The following SGCZ variants were observed in gnomAD, a reference collection of about 807,000 sequenced individuals.
SGCZ encodes sarcoglycan zeta, also known as zeta-sarcoglycan.
Under a neutral mutation model 41.3 loss-of-function variants are expected in SGCZ, and 40 were observed. That is an observed-to-expected ratio of 0.97 (90% CI 0.75 to 1.26). The LOEUF (loss-of-function observed/expected upper bound fraction) is 1.26. Among genes scored for constraint, SGCZ ranks in the 50% most tolerant of loss-of-function variants. SGCZ has a pLI of 0.00. For missense variants in SGCZ, 552 were observed against 369.8 expected, an observed-to-expected ratio of 1.49 and a Z score of -4.04; for synonymous variants, 206 against 137.5, an observed-to-expected ratio of 1.50 and a Z score of -3.49.
intron 1 of SGCZ, among the ~76,000 whole-genome samples, chr8:14,635,820 A>T (rs1806808502): frequency 6.6e-6 from 1 of 151,866 alleles, no homozygotes; most frequent in South Asian, 2.1e-4. Flanking sequence ...ACTGTAATTG[A>T]TGCTGGAGAT....
chr8:15,153,562 C>T (rs1799241347), intron 1 of SGCZ, among the ~76,000 whole-genome samples: 1 of 152,018 alleles, frequency 6.6e-6, no homozygotes, highest in African/African-American at 2.4e-5. Context: ...TATTTTGATC[C>T]CGGGGGTAGA....
chr8:15,074,358 T>G (rs566089585), intron 1 of SGCZ, among the ~76,000 whole-genome samples: 3 of 152,312 alleles, frequency 2.0e-5, no homozygotes, highest in East Asian at 3.9e-4. Context: ...GCTGGCAGTA[T>G]GAGCTTTGAA....
intron 1 of SGCZ, among the ~76,000 whole-genome samples, chr8:14,793,495 G>T (rs2130476395): frequency 6.6e-6 from 1 of 152,288 alleles, no homozygotes; most frequent in African/African-American, 2.4e-5. Flanking sequence ...AATGAGAGGA[G>T]ACATAGCAAT....
intron 7 of SGCZ, among the ~76,000 whole-genome samples, chr8:14,099,085 T>C (rs965884927): frequency 6.6e-6 from 1 of 152,168 alleles, no homozygotes; most frequent in Non-Finnish European, 1.5e-5. Flanking sequence ...GAAAATGATA[T>C]TGGCTTGAGA....
chr8:14,263,179 G>A lies in SGCZ; in HGVS notation c.337-25500C>T, dbSNP rs114056357. ...ATTCAAAACTATTTTTCAACAAATC[G>A]TAAGTGTAAATAAAAGTATAGTAGT... On this transcript the variant is annotated intron_variant, in intron 3 of 7. Coordinates refer to ENST00000382080, the MANE Select transcript of SGCZ (RefSeq NM_139167.4). 3.3e-3 allele frequency among the ~76,000 whole-genome samples: 500 copies of A among 152,120 alleles called. 3 individuals carry two copies. The highest frequency in any genetic ancestry group is 0.011 in the African/African-American group (455 of 41,532).
At chr8:14,120,305 T>C (rs1450887345) in intron 5 of SGCZ, among the ~76,000 whole-genome samples, 1 of 152,118 alleles carries the variant, frequency 6.6e-6, no homozygotes, top group Non-Finnish European at 1.5e-5. Context: ...ATTCAAAAAG[T>C]TCATCATGAT....
At position 14,883,401 on chromosome 8, in the gene SGCZ, G is replaced by T. The variant is rs186229997; in HGVS notation, c.40-328475C>A. Among the ~76,000 whole-genome samples, 628 of 151,958 alleles carry T rather than the reference G, an allele frequency of 4.1e-3. 4 individuals carry two copies. The highest frequency in any genetic ancestry group is 0.014 in the African/African-American group (598 of 41,440). On this transcript the variant is annotated intron_variant, in intron 1 of 7. Coordinates refer to ENST00000382080, the MANE Select transcript of SGCZ (RefSeq NM_139167.4). ...ACTCTATGCTCACATATCTACTTGT[G>T]CTTTAGCCATATTCAATATTATACA...
chr8:14,587,991 C>A (rs1206741904), intron 1 of SGCZ, among the ~76,000 whole-genome samples: 1 of 152,072 alleles, frequency 6.6e-6, no homozygotes. Context: ...TCAGTGGCAT[C>A]TTTACAAAAA....
intron 1 of SGCZ, among the ~76,000 whole-genome samples, chr8:15,043,049 C>G (rs923656064): frequency 4.6e-5 from 7 of 152,254 alleles, no homozygotes; most frequent in African/African-American, 1.4e-4. Flanking sequence ...ACCCATGGAG[C>G]ACCACTGTCA....
At chr8:15,236,949 G>C (rs1357409387) in intron 1 of SGCZ, among the ~76,000 whole-genome samples, 4 of 152,208 alleles carry the variant, frequency 2.6e-5, no homozygotes, top group African/African-American at 4.8e-5. Flanking sequence ...CCGCGCCTGG[G>C]GCTAGGGCAG....
intron 2 of SGCZ, among the ~76,000 whole-genome samples, chr8:14,455,880 T>C (rs13264141): frequency 2.6e-4 from 39 of 151,964 alleles, no homozygotes; most frequent in Non-Finnish European, 5.2e-4. Context: ...CTACCTCTCA[T>C]GTGAAAAAGG....
chr8:14,199,212 AG>A (rs1173670799), intron 4 of SGCZ, among the ~76,000 whole-genome samples: 1 of 152,170 alleles, frequency 6.6e-6, no homozygotes, highest in Non-Finnish European at 1.5e-5. Context: ...TGTGTCCCTA[AG>A]GGGAGGACTC....
At chr8:15,032,687 C>T (rs1468473960) in intron 1 of SGCZ, among the ~76,000 whole-genome samples, 1 of 152,112 alleles carries the variant, frequency 6.6e-6, no homozygotes, top group Non-Finnish European at 1.5e-5. Flanking sequence ...CCAGGTCAGC[C>T]CCCAGAGATT....
At chr8:14,962,124 C>A (rs1051500067) in intron 1 of SGCZ, among the ~76,000 whole-genome samples, 1 of 152,096 alleles carries the variant, frequency 6.6e-6, no homozygotes, top group Admixed American at 6.6e-5. Context: ...TCTTTGCTGA[C>A]CTCAACATCA....
chr8:14,387,058 A>G (rs556660661), intron 2 of SGCZ, among the ~76,000 whole-genome samples: 10 of 152,290 alleles, frequency 6.6e-5, no homozygotes, highest in African/African-American at 2.2e-4. Context: ...GTGAAAACAC[A>G]TTTATGTTTG....
intron 1 of SGCZ, among the ~76,000 whole-genome samples, chr8:15,148,457 C>T (rs561138687): frequency 2.0e-5 from 3 of 152,264 alleles, no homozygotes; most frequent in East Asian, 3.9e-4. Flanking sequence ...GGTATTATAG[C>T]ATGACTACAC....
chr8:14,704,713 G>A (rs895785085), intron 1 of SGCZ, among the ~76,000 whole-genome samples: 3 of 151,764 alleles, frequency 2.0e-5, no homozygotes, highest in Admixed American at 1.3e-4. Flanking sequence ...GCTTGACTCA[G>A]TTTATTAAGT....
At chr8:14,219,804 C>T (rs1410705264) in intron 4 of SGCZ, among the ~76,000 whole-genome samples, 1 of 151,618 alleles carries the variant, frequency 6.6e-6, no homozygotes, top group African/African-American at 2.4e-5. Flanking sequence ...TCACCATATT[C>T]ACCTGACCTC....
At chr8:15,117,732 A>T (rs976015984) in intron 1 of SGCZ, among the ~76,000 whole-genome samples, 1 of 152,264 alleles carries the variant, frequency 6.6e-6, no homozygotes, top group Admixed American at 6.5e-5. Context: ...GATAAATAAA[A>T]GCCATTTACT....
Sources: allele counts gnomAD v4.1 joint callset (sites outside exome capture counted in the v4.1 genomes callset), GRCh38; gene constraint gnomAD v4.1.1; transcripts MANE v1.5; gene names NCBI Gene and HGNC (gene_info 2026-07-23, HGNC 2026-07-21).